MYO5B: variants seen among roughly 807,000 people sequenced by gnomAD.
MYO5B encodes the protein myosin VB.
A neutral mutation model predicts 229.3 loss-of-function variants in MYO5B; 143 were observed. The ratio of observed to expected loss-of-function variants is 0.62; its 90% confidence interval spans 0.54 to 0.72. MYO5B has a LOEUF of 0.72. Among genes scored for constraint, MYO5B ranks in the 30% least tolerant of loss-of-function variants. The pLI is 0.00. For synonymous variants in MYO5B, 918 were observed against 885.2 expected (o/e 1.04, Z -0.66); for missense variants, 2,321 against 2,331.0 (o/e 1.00, Z 0.09).
At position 49,929,496 on chromosome 18, in the gene MYO5B, C is replaced by T. The variant is rs576210812; in HGVS notation, c.2090+16G>A. The T allele has an allele frequency of 1.4e-5, 22 of 1,594,200 alleles. 1 individual carries two copies. The highest frequency in any genetic ancestry group is 1.2e-4 in the South Asian group (11 of 88,338). ...TAGGGCAGCCCCAGGAGGCAGCTGG[C>T]GGGCACGTTAGTTACCTGGATGGGT... is the stretch of plus-strand genomic sequence containing the variant. On this transcript the variant is annotated intron_variant, in intron 17 of 39. Coordinates refer to ENST00000285039, the MANE Select transcript of MYO5B (RefSeq NM_001080467.3).
rs376005817 is a variant in MYO5B, at chr18:50,062,972, T to C, written c.28-7594A>G. ...GGAAATGTCTTCTGCACCAGGGTTG[T>C]TGTTAGGATTAAATAATGTATATGA... On this transcript the variant is annotated intron_variant, in intron 1 of 39. Transcript: ENST00000285039. Among the ~76,000 whole-genome samples, 16 of 152,280 alleles carry C rather than the reference T, an allele frequency of 1.1e-4. No homozygotes were observed. The South Asian group carries it at 2.7e-3, about 26-fold the overall frequency.
At chr18:50,075,575 G>A (rs142194489) in intron 1 of MYO5B, among the ~76,000 whole-genome samples, 55 of 152,288 alleles carry the variant, frequency 3.6e-4, no homozygotes, top group Middle Eastern at 6.8e-3. Flanking sequence ...GCCATGCAGC[G>A]ATGACAGAGC....
chr18:50,162,982 G>T (rs1430967325), intron 1 of MYO5B, among the ~76,000 whole-genome samples: 1 of 152,152 alleles, frequency 6.6e-6, no homozygotes, highest in Admixed American at 6.5e-5. Context: ...TTACAAACTG[G>T]TTGAGGCAGT....
Position 49,926,588 on chromosome 18 carries a change from A to G in MYO5B, c.2090+2924T>C, listed in dbSNP as rs201314796. Among the ~76,000 whole-genome samples the G allele has an allele frequency of 1.2e-4, 18 of 152,346 alleles. No individual in the cohort carries two copies. The East Asian group carries it at 1.7e-3, about 15-fold the overall frequency. On this transcript the variant is annotated intron_variant, in intron 17 of 39. Transcript: ENST00000285039. ...TTTCACAAGAGCTAGTGGGGTCACC[A>G]GCCACCCTTCACCCCTATTTCAGGC...
intron 4 of MYO5B, among the ~76,000 whole-genome samples, chr18:50,031,333 TCTGA>T (rs2026387145): frequency 6.6e-6 from 1 of 152,102 alleles, no homozygotes; most frequent in Admixed American, 6.5e-5. Context: ...GAGGCTTGGG[TCTGA>T]ACTCCATCTG....
chr18:49,997,191 C>A (rs1331135796), intron 5 of MYO5B, among the ~76,000 whole-genome samples: 2 of 148,348 alleles, frequency 1.3e-5, no homozygotes, highest in Admixed American at 6.8e-5. Context: ...TCGCTGGAGC[C>A]CAGGAGGAAG....
intron 1 of MYO5B, among the ~76,000 whole-genome samples, chr18:50,115,113 G>C (rs1437020714): frequency 6.6e-6 from 1 of 152,188 alleles, no homozygotes; most frequent in Non-Finnish European, 1.5e-5. Context: ...TCCCCACACT[G>C]TGCCTTCCTC....
At chr18:50,051,823 G>A (rs1458278775) in intron 2 of MYO5B, among the ~76,000 whole-genome samples, 1 of 152,208 alleles carries the variant, frequency 6.6e-6, no homozygotes, top group South Asian at 2.1e-4. Flanking sequence ...ACCTGGGATC[G>A]TCAAACTCAG....
intron 16 of MYO5B, among the ~76,000 whole-genome samples, chr18:49,935,415 C>A (rs2025238247): frequency 7.0e-6 from 1 of 142,914 alleles, no homozygotes; most frequent in African/African-American, 2.6e-5. Context: ...CAGGGATTCC[C>A]CCTGCACAGC....
intron 27 of MYO5B, among the ~76,000 whole-genome samples, chr18:49,864,601 C>A (rs1271732734): frequency 6.6e-6 from 1 of 152,234 alleles, no homozygotes; most frequent in East Asian, 1.9e-4. Flanking sequence ...TGCACAATGC[C>A]TCCAGAGCGG....
rs1054535496 is a variant in MYO5B, at chr18:50,194,878, C to A, written c.-85G>T. 34 of 1,234,866 alleles carry A rather than the reference C, an allele frequency of 2.8e-5. No homozygotes were observed. Among genetic ancestry groups the A allele is most frequent in the Admixed American group, 1.3e-4 (3 of 23,068 alleles). 76.5% of individuals were successfully genotyped at this position (1,234,866 alleles called of 1,614,324 possible). A position where few individuals can be genotyped will look rare whatever the true frequency, so the allele number is the denominator to read the frequency against. On this transcript the variant is annotated 5_prime_UTR_variant, in exon 1 of 40. Coordinates refer to ENST00000285039, the MANE Select transcript of MYO5B (RefSeq NM_001080467.3). ...CGGCTGGCCCGCCTGGCGCCATGTT[C>A]CCGGGCTGGCCTGGAGTTTCTCGAT...
rs917709962 is a variant in MYO5B at position 50,170,269 on chromosome 18, C to T, written c.27+24498G>A. Among the ~76,000 whole-genome samples the T allele has an allele frequency of 2.4e-5, 3 of 126,796 alleles. 1 individual carries two copies. The highest frequency in any genetic ancestry group is 8.5e-5 in the Admixed American group (1 of 11,730). 83.2% of individuals were successfully genotyped at this position (126,796 alleles called of 152,430 possible). A position where few individuals can be genotyped will look rare whatever the true frequency, so the allele number is the denominator to read the frequency against. On this transcript the variant is annotated intron_variant, in intron 1 of 39. Transcript: ENST00000285039. ...CAGGATCTCTGTAGCACCGCAGCATCGCAATGAGTCAAAGCAGGTTTTCAA... is the reference window on the plus strand; with the variant it reads ...CAGGATCTCTGTAGCACCGCAGCATTGCAATGAGTCAAAGCAGGTTTTCAA...
chr18:49,839,748 G>C (rs665642), intron 35 of MYO5B: 98,316 of 226,524 alleles, frequency 0.43, 22,568 homozygotes, highest in Middle Eastern at 0.51. Flanking sequence ...TTCTATCACT[G>C]GTTATCAGAA....
Position 49,825,246 on chromosome 18 carries a change from A to T in MYO5B, c.*1225T>A, listed in dbSNP as rs935718311. On this transcript the variant is annotated 3_prime_UTR_variant, in exon 40 of 40. Coordinates refer to ENST00000285039, the MANE Select transcript of MYO5B (RefSeq NM_001080467.3). ...CTTTTGAAGAAACCAAAAACAAGTT[A>T]AAAAAAATTCTAAGAGCAGCAAACA... 1 of 152,082 alleles carries T rather than the reference A, an allele frequency of 6.6e-6. No individual in the cohort carries two copies. Among genetic ancestry groups the T allele is most frequent in the Non-Finnish European group, 1.5e-5 (1 of 68,000 alleles). 9.4% of individuals were successfully genotyped at this position (152,082 alleles called of 1,614,324 possible).
At chr18:49,858,973 T>C (rs1270563641) in intron 29 of MYO5B, among the ~76,000 whole-genome samples, 1 of 152,264 alleles carries the variant, frequency 6.6e-6, no homozygotes, top group African/African-American at 2.4e-5. Context: ...GGATTTTTTG[T>C]TGAAAATGTA....
At position 49,880,455 on chromosome 18, in the gene MYO5B, G is replaced by T. The variant is rs200358260; in HGVS notation, c.3046C>A (p.Arg1016=). ...HSREKDELRK[R]VADLEQENAL... is the part of the protein sequence containing the mutation. ...TTTTCTTGCTCCAGGTCTGCAACTC[G>T]CTGGAAGAGAGCAATAGGGGAAAAA... Residue 1016 remains arginine, a splice_region_variant and synonymous_variant, in exon 23 of 40, where the codon CGA becomes AGA. Transcript: ENST00000285039. The T allele has an allele frequency of 1.2e-6, 2 of 1,613,320 alleles. No homozygotes were observed. The highest frequency in any genetic ancestry group is 1.7e-6 in the Non-Finnish European group (2 of 1,179,314).
intron 3 of MYO5B, among the ~76,000 whole-genome samples, chr18:50,039,303 G>A (rs114221319): frequency 8.4e-4 from 128 of 152,268 alleles, no homozygotes; most frequent in African/African-American, 3.0e-3. Context: ...TTGTGATATA[G>A]GAAAGGAGAA....
intron 1 of MYO5B, among the ~76,000 whole-genome samples, chr18:50,077,496 C>A (rs79532422): frequency 0.047 from 5,729 of 122,458 alleles, 363 homozygotes; most frequent in African/African-American, 0.18. Context: ...CACACACACA[C>A]ACACAAACAC....
At chr18:49,841,834 G>T (rs2024061317) in intron 34 of MYO5B, among the ~76,000 whole-genome samples, 1 of 152,318 alleles carries the variant, frequency 6.6e-6, no homozygotes, top group Middle Eastern at 3.4e-3. Flanking sequence ...TTTCTGAACT[G>T]CCAGTTATCC....
Sources: allele counts gnomAD v4.1 joint callset (sites outside exome capture counted in the v4.1 genomes callset), GRCh38; gene constraint gnomAD v4.1.1; transcripts MANE v1.5; gene names NCBI Gene and HGNC (gene_info 2026-07-23, HGNC 2026-07-21).